The following KATNIP variants were observed in gnomAD, a reference collection of about 807,000 sequenced individuals.
KATNIP encodes katanin interacting protein, also known as katanin-interacting protein.
In KATNIP, 126 loss-of-function variants were observed where a neutral mutation model predicts 174.0. That is an observed-to-expected ratio of 0.72 (90% CI 0.63 to 0.84). The LOEUF (loss-of-function observed/expected upper bound fraction) is 0.84, where lower values mean the gene tolerates loss of function less well. Among genes scored for constraint, KATNIP ranks in the 40% least tolerant of loss-of-function variants. The pLI is 0.00. For missense variants in KATNIP, 1,958 were observed against 2,109.7 expected, an observed-to-expected ratio of 0.93 and a Z score of 1.41; for synonymous variants, 810 against 835.7, an observed-to-expected ratio of 0.97 and a Z score of 0.53.
intron 2 of KATNIP, among the ~76,000 whole-genome samples, chr16:27,602,415 A>G (rs8062900): frequency 0.7 from 106,108 of 152,040 alleles, 37,595 homozygotes; most frequent in African/African-American, 0.79. Context: ...AGTCTGTTCC[A>G]GCCACACTGG....
chr16:27,740,936 C>G lies in KATNIP; in HGVS notation c.2623+16C>G. ...GCCAGCAGAGGTAAGCTCCAAAGAG[C>G]AGCCCGACTTGGGCATCATCATCCC... On this transcript the variant is annotated intron_variant, in intron 15 of 27. Transcript: ENST00000261588. The G allele has an allele frequency of 6.4e-7, 1 of 1,572,746 alleles. No homozygotes were observed. The highest frequency in any genetic ancestry group is 8.6e-7 in the Non-Finnish European group (1 of 1,158,692).
At position 27,584,014 on chromosome 16, in the gene KATNIP, C is replaced by G. The variant is rs776250043; in HGVS notation, c.63+10058C>G. 1.4e-4 allele frequency among the ~76,000 whole-genome samples: 21 copies of G among 152,226 alleles called. No individual in the cohort carries two copies. In the Middle Eastern group the frequency reaches 0.01, roughly 74 times the overall value. The stretch of plus-strand genomic sequence containing the variant: ...TTTGGGGATGAATCCTGGCTCATCA[C>G]TCACCCAAGCAGCTCAGCCACCTCA... On this transcript the variant is annotated intron_variant, in intron 2 of 27. Coordinates refer to ENST00000261588, the MANE Select transcript of KATNIP (RefSeq NM_015202.5).
At chr16:27,630,028 A>G (rs1193749526) in intron 4 of KATNIP, among the ~76,000 whole-genome samples, 4 of 152,186 alleles carry the variant, frequency 2.6e-5, no homozygotes. Flanking sequence ...AAATAAATAA[A>G]TATTTAAAAA....
chr16:27,745,752 C>A (rs907275284), intron 15 of KATNIP, among the ~76,000 whole-genome samples: 2 of 152,132 alleles, frequency 1.3e-5, no homozygotes, highest in East Asian at 1.9e-4. Flanking sequence ...TGGGGGCCCT[C>A]CCAGATTGTG....
chr16:27,573,362 C>A (rs1567449247), intron 1 of KATNIP, among the ~76,000 whole-genome samples: 1 of 152,250 alleles, frequency 6.6e-6, no homozygotes, highest in Non-Finnish European at 1.5e-5. Context: ...TGCACACCTT[C>A]AAATGTTAGT....
chr16:27,644,859 A>G (rs1378521879), intron 5 of KATNIP, among the ~76,000 whole-genome samples: 1 of 151,952 alleles, frequency 6.6e-6, no homozygotes, highest in Non-Finnish European at 1.5e-5. Flanking sequence ...TCATGCACAT[A>G]CTCTGTGTCC....
At chr16:27,745,306 T>C (rs1176346057) in intron 15 of KATNIP, among the ~76,000 whole-genome samples, 1 of 152,244 alleles carries the variant, frequency 6.6e-6, no homozygotes, top group Non-Finnish European at 1.5e-5. Flanking sequence ...CTTCTTTCTA[T>C]TTCTTCTGGG....
chr16:27,701,981 G>A (rs578002336), intron 11 of KATNIP, among the ~76,000 whole-genome samples: 18 of 152,116 alleles, frequency 1.2e-4, no homozygotes, highest in Non-Finnish European at 2.1e-4. Context: ...TTTTGTAGAG[G>A]GGGTCTCACA....
At chr16:27,557,207 T>C (rs1256179200) in intron 1 of KATNIP, among the ~76,000 whole-genome samples, 2 of 151,406 alleles carry the variant, frequency 1.3e-5, no homozygotes, top group Non-Finnish European at 2.9e-5. Context: ...AGTGGCGCGA[T>C]CTTGGCTTAC....
chr16:27,634,907 C>G (rs2142200459), intron 5 of KATNIP, among the ~76,000 whole-genome samples: 1 of 152,260 alleles, frequency 6.6e-6, no homozygotes, highest in East Asian at 1.9e-4. Context: ...AAGGAAACCT[C>G]AAATCTGTCT....
intron 1 of KATNIP, among the ~76,000 whole-genome samples, chr16:27,560,848 C>T (rs1208306083): frequency 6.6e-6 from 1 of 152,092 alleles, no homozygotes; most frequent in African/African-American, 2.4e-5. Context: ...CAGGCAGATC[C>T]CATGAGTGTT....
chr16:27,742,843 C>CT (rs386384567), intron 15 of KATNIP, among the ~76,000 whole-genome samples: 4 of 138,502 alleles, frequency 2.9e-5, no homozygotes, highest in Admixed American at 7.0e-5. Flanking sequence ...GTTTTCTTTT[C>CT]TTTTTTTCTT....
chr16:27,682,271 G>A (rs887420506), intron 8 of KATNIP, among the ~76,000 whole-genome samples: 2 of 152,160 alleles, frequency 1.3e-5, no homozygotes, highest in Non-Finnish European at 2.9e-5. Flanking sequence ...AGCCACTATC[G>A]TAAGCTTTTA....
At chr16:27,625,110 G>A (rs1567222929) in intron 3 of KATNIP, among the ~76,000 whole-genome samples, 1 of 152,162 alleles carries the variant, frequency 6.6e-6, no homozygotes, top group African/African-American at 2.4e-5. Flanking sequence ...ATGCAAAGTA[G>A]GCTATCAATT....
intron 14 of KATNIP, among the ~76,000 whole-genome samples, chr16:27,737,061 G>A (rs1256638380): frequency 6.6e-6 from 1 of 152,188 alleles, no homozygotes; most frequent in Non-Finnish European, 1.5e-5. Context: ...AAGACTAAGT[G>A]TGGAGAAAGT....
Position 27,749,566 on chromosome 16 carries a change from T to A in KATNIP, c.2624-18T>A, listed in dbSNP as rs1198450050. On this transcript the variant is annotated intron_variant, in intron 15 of 27. Transcript: ENST00000261588. ...TGCCACTCACAGGGCTTCCCCCCTCTTGTGTCCTTTCTTCCAGAAGACACC... is the reference window on the plus strand; with the variant it reads ...TGCCACTCACAGGGCTTCCCCCCTCATGTGTCCTTTCTTCCAGAAGACACC... 6.6e-7 allele frequency: 1 copy of A among 1,523,388 alleles called. No homozygotes were observed. Among genetic ancestry groups the A allele is most frequent in the Non-Finnish European group, 8.8e-7 (1 of 1,136,700 alleles). The allele number at this position is 1,523,388 out of a possible 1,614,324, so 94.4% of individuals were successfully genotyped here.
At chr16:27,597,402 CTTTTTTTTTTTTTTTTTT>C (rs36005993) in intron 2 of KATNIP, among the ~76,000 whole-genome samples, 1 of 46,128 alleles carries the variant, frequency 2.2e-5, no homozygotes, top group Non-Finnish European at 4.2e-5. Context: ...ATTTTCTTTT[CTTTTTTTTTTTTTTTTTT>C]TTTTTTTTTT....
At chr16:27,643,687 G>A (rs765939719) in intron 5 of KATNIP, among the ~76,000 whole-genome samples, 17 of 151,116 alleles carry the variant, frequency 1.1e-4, no homozygotes, top group Non-Finnish European at 1.9e-4. Flanking sequence ...GTGTGAAAGC[G>A]TTGATGGGTG....
intron 5 of KATNIP, among the ~76,000 whole-genome samples, chr16:27,641,093 G>A (rs1283310351): frequency 1.3e-5 from 2 of 151,438 alleles, no homozygotes; most frequent in Admixed American, 6.6e-5. Context: ...AGCTGAGATC[G>A]CGCCATTGCA....
Sources: gnomAD v4.1 joint callset for allele counts (sites outside exome capture counted in the v4.1 genomes callset) on GRCh38, gnomAD v4.1.1 for gene constraint, MANE v1.5 for transcripts, NCBI Gene and HGNC (gene_info 2026-07-23, HGNC 2026-07-21) for gene names.